CLPB: variants seen among roughly 807,000 people sequenced by gnomAD.
CLPB encodes the protein ClpB family mitochondrial disaggregase.
A neutral mutation model predicts 78.4 loss-of-function variants in CLPB; 40 were observed. The observed-to-expected ratio is 0.51, with a 90% confidence interval of 0.40 to 0.66. CLPB has a LOEUF of 0.66. CLPB is among the 30% of genes least tolerant of loss of function. The pLI, the probability that CLPB is intolerant of heterozygous loss-of-function variation, is 0.00. For synonymous variants in CLPB, 333 were observed against 348.0 expected (o/e 0.96, Z 0.48); for missense variants, 780 against 886.9 (o/e 0.88, Z 1.53).
At chr11:72,304,891 TC>T (rs1157787058) in intron 9 of CLPB, among the ~76,000 whole-genome samples, 4 of 152,190 alleles carry the variant, frequency 2.6e-5, no homozygotes, top group Non-Finnish European at 5.9e-5. Flanking sequence ...ACTCTTTGGG[TC>T]CCAGGTACAC....
intron 4 of CLPB, among the ~76,000 whole-genome samples, chr11:72,365,822 C>T (rs1950931289): frequency 6.6e-6 from 1 of 152,152 alleles, no homozygotes; most frequent in South Asian, 2.1e-4. Context: ...ACTCCCTATT[C>T]AATAAATGGT....
intron 1 of CLPB, among the ~76,000 whole-genome samples, chr11:72,433,589 A>AAATAAATT (rs1856611813): frequency 2.1e-5 from 3 of 143,396 alleles, no homozygotes; most frequent in African/African-American, 5.5e-5. Context: ...ATAAATAAAT[A>AAATAAATT]AATTGAGGTC....
At chr11:72,299,017 C>T (rs766193750) in intron 11 of CLPB, among the ~76,000 whole-genome samples, 14 of 152,238 alleles carry the variant, frequency 9.2e-5, no homozygotes, top group African/African-American at 1.7e-4. Context: ...AACTGATGAA[C>T]GGCCCCTTGG....
At chr11:72,306,762 G>A (rs544071295) in intron 9 of CLPB, among the ~76,000 whole-genome samples, 29 of 152,320 alleles carry the variant, frequency 1.9e-4, no homozygotes, top group South Asian at 4.1e-4. Flanking sequence ...ACTCCCATTA[G>A]CACAGCCATG....
chr11:72,310,515 A>G (rs1235539742), intron 7 of CLPB, among the ~76,000 whole-genome samples: 1 of 152,222 alleles, frequency 6.6e-6, no homozygotes, highest in African/African-American at 2.4e-5. Flanking sequence ...TGTCCAACAG[A>G]AACAGGGAGC....
At chr11:72,373,100 T>A (rs1027883109) in intron 4 of CLPB, 3 of 1,183,538 alleles carry the variant, frequency 2.5e-6, no homozygotes, top group Non-Finnish European at 3.8e-6. Context: ...CTCAGGCTGG[T>A]GGGGTTGTTC....
rs4268536 is a variant in CLPB at position 72,335,513 on chromosome 11, C to T, written c.776-5709G>A. Among the ~76,000 whole-genome samples the T allele has an allele frequency of 9.0e-3, 1,376 of 152,292 alleles. 28 individuals carry two copies. Among genetic ancestry groups the T allele is most frequent in the East Asian group, 0.063 (326 of 5,170 alleles). ...CATATATGAGTCCCAGATTCTCTCA[C>T]CAACCCCACTTCCATCTTGGTTCTG... On this transcript the variant is annotated intron_variant, in intron 5 of 15. Transcript: ENST00000538039.
chr11:72,363,715 C>T (rs1368153097), intron 4 of CLPB, among the ~76,000 whole-genome samples: 2 of 152,172 alleles, frequency 1.3e-5, no homozygotes, highest in Non-Finnish European at 2.9e-5. Flanking sequence ...GCTCAACTTG[C>T]AATGCTGGTC....
intron 5 of CLPB, among the ~76,000 whole-genome samples, chr11:72,344,061 A>G (rs1383182329): frequency 6.6e-6 from 1 of 152,134 alleles, no homozygotes; most frequent in Non-Finnish European, 1.5e-5. Context: ...GTCTTCCTTC[A>G]GCCTGAATAA....
At chr11:72,314,038 G>A (rs2135522217) in intron 7 of CLPB, among the ~76,000 whole-genome samples, 1 of 152,292 alleles carries the variant, frequency 6.6e-6, no homozygotes, top group Middle Eastern at 3.4e-3. Context: ...GGATTCAAAG[G>A]GAGAGTCCAG....
intron 10 of CLPB, 152 bp from the exon 11 acceptor site, chr11:72,302,116 T>A: frequency 1.0e-6 from 1 of 992,626 alleles, no homozygotes; most frequent in East Asian, 2.5e-5. Flanking sequence ...GGCAGATAGA[T>A]CTTCTCTATG....
intron 2 of CLPB, chr11:72,428,978 G>C (rs1339578892): frequency 3.3e-5 from 5 of 152,240 alleles, no homozygotes; most frequent in South Asian, 2.1e-4. Context: ...CAAATGCCCT[G>C]CCAAAAGGGG....
At chr11:72,330,183 T>C (rs535485016) in intron 5 of CLPB, among the ~76,000 whole-genome samples, 2 of 152,360 alleles carry the variant, frequency 1.3e-5, no homozygotes, top group Non-Finnish European at 2.9e-5. Flanking sequence ...TGAAGCCATA[T>C]AAAGGGTTCC....
intron 4 of CLPB, among the ~76,000 whole-genome samples, chr11:72,371,940 T>C (rs1951050058): frequency 6.6e-6 from 1 of 152,254 alleles, no homozygotes; most frequent in South Asian, 2.1e-4. Flanking sequence ...TTTGGTAATG[T>C]CTTACATCTT....
chr11:72,395,015 C>T (rs559963416), intron 3 of CLPB, among the ~76,000 whole-genome samples: 1 of 152,204 alleles, frequency 6.6e-6, no homozygotes, highest in African/African-American at 2.4e-5. Flanking sequence ...TCACAATGGT[C>T]CTTCTGCAAA....
chr11:72,433,159 C>A (rs1286875662), intron 1 of CLPB, among the ~76,000 whole-genome samples: 3 of 152,154 alleles, frequency 2.0e-5, no homozygotes, highest in South Asian at 2.1e-4. Flanking sequence ...GCATGTGAGA[C>A]CAGACACAGC....
rs1555087616 is a variant in CLPB, at chr11:72,308,513, C to CAGCA, written c.1066+13_1066+14insTGCT. On this transcript the variant is annotated intron_variant, in intron 8 of 15. Transcript: ENST00000538039. ...TAGCTCTCTGTCCCCACTGGCTGAT[C>CAGCA]TGCTCCCAATTACCTATTCCAGATG... 6.2e-7 allele frequency: 1 copy of CAGCA among 1,613,134 alleles called. No homozygotes were observed. The highest frequency in any genetic ancestry group is 8.5e-7 in the Non-Finnish European group (1 of 1,179,090).
chr11:72,289,565 A>AT lies in CLPB; in HGVS notation c.*3801dup, dbSNP rs1351185202. On this transcript the variant is annotated 3_prime_UTR_variant, in exon 16 of 16. Coordinates refer to ENST00000538039, the MANE Select transcript of CLPB (RefSeq NM_001258392.3). ...AATTAAAACCGTATCTAAACTCATGATTTTTATTTATTTTTAAAAATATGA... is the reference window on the plus strand; with the variant it reads ...AATTAAAACCGTATCTAAACTCATGATTTTTTATTTATTTTTAAAAATATGA... 1.1e-4 allele frequency: 17 copies of AT among 152,088 alleles called. No homozygotes were observed. Among genetic ancestry groups the AT allele is most frequent in the African/African-American group, 4.1e-4 (17 of 41,412 alleles). 9.4% of individuals were successfully genotyped at this position (152,088 alleles called of 1,614,324 possible).
intron 6 of CLPB, among the ~76,000 whole-genome samples, chr11:72,327,143 C>T (rs1469023195): frequency 2.0e-5 from 3 of 152,216 alleles, no homozygotes; most frequent in Non-Finnish European, 4.4e-5. Flanking sequence ...GCCTCTAAGG[C>T]AGCCCCTCCA....
Sources: gnomAD v4.1 joint callset for allele counts (sites outside exome capture counted in the v4.1 genomes callset) on GRCh38, gnomAD v4.1.1 for gene constraint, MANE v1.5 for transcripts, NCBI Gene and HGNC (gene_info 2026-07-23, HGNC 2026-07-21) for gene names.